Variants in CCAR1 observed in about 807,000 individuals in gnomAD.
CCAR1 encodes the protein cell division cycle and apoptosis regulator 1.
In CCAR1, 78 loss-of-function variants were observed where a neutral mutation model predicts 163.8. That is an observed-to-expected ratio of 0.48 (90% confidence interval 0.40 to 0.57). The LOEUF is 0.57. Among genes scored for constraint, CCAR1 ranks in the 20% least tolerant of loss-of-function variants. The probability of loss-of-function intolerance (pLI) is 0.00; values close to 1 mark genes in which losing one functional copy is unlikely to be tolerated. For synonymous variants in CCAR1, 443 were observed against 460.7 expected, an observed-to-expected ratio of 0.96 and a Z score of 0.49; for missense variants, 1,019 against 1,365.2, an observed-to-expected ratio of 0.75 and a Z score of 4.00.
intron 16 of CCAR1, among the ~76,000 whole-genome samples, chr10:68,762,224 G>A (rs527923354): frequency 6.6e-6 from 1 of 152,100 alleles, no homozygotes; most frequent in East Asian, 1.9e-4. Flanking sequence ...AGCTACTGGG[G>A]AGGCTGAGGC....
chr10:68,773,070 A>C lies in CCAR1; in HGVS notation c.2621A>C (p.Glu874Ala). Residue 874 changes from glutamate (E) to alanine (A), a missense_variant, in exon 19 of 25, where the codon GAA becomes GCA. Around this residue, in one of 4 missense-constraint regions of CCAR1, gnomAD observed 358 missense variants for 406.4 expected, o/e 0.88. Transcript: ENST00000265872. Reference protein sequence around the residue: ...DNNQDEYDPMEAEEAEDEEDD... With the variant: ...DNNQDEYDPMAAEEAEDEEDD... ...AATCAAGATGAATATGACCCTATGG[A>C]AGCAGAAGAAGCTGAGGATGAAGAA... 1 of 1,552,498 alleles carries C rather than the reference A, an allele frequency of 6.4e-7. No individual in the cohort carries two copies. Among genetic ancestry groups the C allele is most frequent in the Non-Finnish European group, 8.8e-7 (1 of 1,140,330 alleles).
At position 68,747,213 on chromosome 10, in the gene CCAR1, A is replaced by G. The variant is rs1468426848; in HGVS notation, c.571A>G (p.Thr191Ala). The G allele has an allele frequency of 1.2e-6, 2 of 1,611,572 alleles. No individual in the cohort carries two copies. The highest frequency in any genetic ancestry group is 1.3e-5 in the African/African-American group (1 of 74,724). Residue 191 changes from threonine to alanine, a missense_variant, in exon 7 of 25, where the codon ACT becomes GCT. Thr to Ala is a moderately conservative substitution (Grantham distance 58). Around this residue, in one of 4 missense-constraint regions of CCAR1, gnomAD observed 644 missense variants for 904.4 expected, o/e 0.71. Transcript: ENST00000265872. ...QVGDRVLVEA[T>A]YNPNMPFKWN... ...AGGTGACAGAGTATTGGTTGAAGCT[A>G]CTTATAATCCTAATATGCCTTTTAA...
At chr10:68,738,086 A>G (rs796691266) in intron 4 of CCAR1, among the ~76,000 whole-genome samples, 197 bp downstream of exon 4, 6 of 152,324 alleles carry the variant, frequency 3.9e-5, no homozygotes, top group African/African-American at 1.4e-4. Context: ...CTAACAACCC[A>G]GATCCTTAGC....
chr10:68,773,613 C>T (rs2133403694), intron 19 of CCAR1, among the ~76,000 whole-genome samples: 1 of 152,012 alleles, frequency 6.6e-6, no homozygotes, highest in East Asian at 1.9e-4. Context: ...TTGTGGTGAG[C>T]CAAGATCGTG....
Position 68,761,774 on chromosome 10 carries a change from G to A in CCAR1, c.2106+582G>A, listed in dbSNP as rs1392378748. Among the ~76,000 whole-genome samples, 10 of 151,276 alleles carry A rather than the reference G, an allele frequency of 6.6e-5. No individual in the cohort carries two copies. In the East Asian group the frequency reaches 2.0e-3, roughly 30 times the overall value. ...TGCACCACTACGCCTGGCTAATTTT[G>A]TGTTTTTAGTAGAGAAGGTGTTTTT... On this transcript the variant is annotated intron_variant, in intron 16 of 24. Coordinates refer to ENST00000265872, the MANE Select transcript of CCAR1 (RefSeq NM_018237.4).
intron 6 of CCAR1, among the ~76,000 whole-genome samples, chr10:68,745,409 TTCCTGC>T (rs1201068183): frequency 6.6e-6 from 1 of 151,638 alleles, no homozygotes; most frequent in African/African-American, 2.4e-5. Flanking sequence ...TCAAGGGATC[TTCCTGC>T]TTCAGCCTCT....
rs2055860598 is a variant in CCAR1, at chr10:68,721,738, C to T, written c.-51+456C>T. 4.1e-5 allele frequency: 13 copies of T among 319,880 alleles called. 1 individual carries two copies. Among genetic ancestry groups the T allele is most frequent in the South Asian group, 2.6e-4 (12 of 46,542 alleles). The allele number at this position is 319,880 out of a possible 1,614,324, so 19.8% of individuals were successfully genotyped here. On this transcript the variant is annotated intron_variant, in intron 1 of 24. Coordinates refer to ENST00000265872, the MANE Select transcript of CCAR1 (RefSeq NM_018237.4). ...GGCGGTGGGTTCCGCCTTCCGTCGC[C>T]GGCGGCCGGCACGGAGCTGGGACTG...
At chr10:68,744,223 C>T (rs759435429) in intron 6 of CCAR1, among the ~76,000 whole-genome samples, 7 of 152,290 alleles carry the variant, frequency 4.6e-5, no homozygotes, top group Middle Eastern at 3.4e-3. Context: ...TGAAGAAAGG[C>T]GGTTCTAACA....
intron 19 of CCAR1, among the ~76,000 whole-genome samples, chr10:68,783,729 T>C (rs541494546): frequency 2.0e-5 from 3 of 152,056 alleles, no homozygotes; most frequent in African/African-American, 4.8e-5. Flanking sequence ...ACTGCTGCAA[T>C]ATCAGGATAA....
At position 68,747,571 on chromosome 10, in the gene CCAR1, CT is replaced by C; in HGVS notation, c.826+8del. ...TACAGCAGCCTCAGCAAAAAGGTATCTTTGCTTTTGTTTCAGGCAAATGTAT... is the reference window on the plus strand; with the variant it reads ...TACAGCAGCCTCAGCAAAAAGGTATCTTGCTTTTGTTTCAGGCAAATGTAT... On this transcript the variant is annotated splice_donor_region_variant and intron_variant, in intron 8 of 24. Coordinates refer to ENST00000265872, the MANE Select transcript of CCAR1 (RefSeq NM_018237.4). The C allele has an allele frequency of 6.2e-7, 1 of 1,606,900 alleles. No individual in the cohort carries two copies.
intron 16 of CCAR1, among the ~76,000 whole-genome samples, chr10:68,763,309 C>G (rs1308876594): frequency 6.6e-6 from 1 of 151,950 alleles, no homozygotes; most frequent in African/African-American, 2.4e-5. Context: ...CACCACCATG[C>G]CCAGCTAATT....
At chr10:68,746,270 C>A (rs1209660574) in intron 6 of CCAR1, among the ~76,000 whole-genome samples, 1 of 147,098 alleles carries the variant, frequency 6.8e-6, no homozygotes, top group Non-Finnish European at 1.5e-5. Context: ...CGCGCCCAGC[C>A]TCTTTTTTTA....
At chr10:68,762,692 C>T (rs996099768) in intron 16 of CCAR1, among the ~76,000 whole-genome samples, 3 of 152,120 alleles carry the variant, frequency 2.0e-5, no homozygotes, top group Non-Finnish European at 4.4e-5. Flanking sequence ...AATGTTTGCT[C>T]TAAATCTGAT....
intron 5 of CCAR1, 115 bp downstream of exon 5, chr10:68,740,776 A>G: frequency 1.3e-6 from 1 of 755,408 alleles, no homozygotes; most frequent in Non-Finnish European, 2.2e-6. Context: ...TCACCTAATA[A>G]TTTAGGAATA....
rs1589186006 is a variant in CCAR1, at chr10:68,773,198, C to T, written c.2650+99C>T. ...AAATCTATACTTTTAACATTTTTTTCTTTAGAATAGAAAGAGTAATATACT... is the reference window on the plus strand; with the variant it reads ...AAATCTATACTTTTAACATTTTTTTTTTTAGAATAGAAAGAGTAATATACT... On this transcript the variant is annotated intron_variant, in intron 19 of 24. Coordinates refer to ENST00000265872, the MANE Select transcript of CCAR1 (RefSeq NM_018237.4). The T allele has an allele frequency of 4.7e-6, 3 of 641,922 alleles. No individual in the cohort carries two copies. In the East Asian group the frequency reaches 1.0e-4, roughly 22 times the overall value. The allele number at this position is 641,922 out of a possible 1,614,324, so 39.8% of individuals were successfully genotyped here. A position where few individuals can be genotyped will look rare whatever the true frequency, so the allele number is the denominator to read the frequency against.
chr10:68,725,449 A>G (rs540802706), intron 2 of CCAR1, among the ~76,000 whole-genome samples: 10 of 152,246 alleles, frequency 6.6e-5, no homozygotes, highest in African/African-American at 2.4e-4. Flanking sequence ...CAAAGTAAAT[A>G]GAAAATGTTA....
At chr10:68,741,263 T>A (rs1694536067) in intron 5 of CCAR1, among the ~76,000 whole-genome samples, 1 of 152,076 alleles carries the variant, frequency 6.6e-6, no homozygotes, top group Non-Finnish European at 1.5e-5. Flanking sequence ...TGATACTGAT[T>A]TTTGTAGTCT....
intron 16 of CCAR1, among the ~76,000 whole-genome samples, chr10:68,763,141 CTTTA>C (rs139762771): frequency 0.015 from 2,308 of 151,600 alleles, 63 homozygotes; most frequent in African/African-American, 0.053. Flanking sequence ...TATTTTTTAA[CTTTA>C]TTTGTTTATT....
chr10:68,755,031 A>G, intron 12 of CCAR1: 1 of 589,060 alleles, frequency 1.7e-6, no homozygotes, highest in East Asian at 2.8e-5. Flanking sequence ...CTAGTTCAAC[A>G]GTCATTTTGA....
Sources: allele counts gnomAD v4.1 joint callset (sites outside exome capture counted in the v4.1 genomes callset), GRCh38; gene constraint gnomAD v4.1.1; regional missense constraint gnomAD v4.1.1; transcripts MANE v1.5; gene names NCBI Gene and HGNC (gene_info 2026-07-23, HGNC 2026-07-21).